Variants in FNBP1 observed in about 807,000 individuals in gnomAD.
The protein encoded by FNBP1 is formin binding protein 1, also known as formin-binding protein 1.
In FNBP1, 26 loss-of-function variants were observed where a neutral mutation model predicts 90.6. The ratio of observed to expected loss-of-function variants is 0.29; its 90% CI spans 0.21 to 0.40. The LOEUF is 0.40. Among genes scored for constraint, FNBP1 ranks in the 10% least tolerant of loss-of-function variants. FNBP1 has a pLI of 1.00. For synonymous variants in FNBP1, 260 were observed against 265.2 expected, an observed-to-expected ratio of 0.98 and a Z score of 0.19; for missense variants, 635 against 768.0, an observed-to-expected ratio of 0.83 and a Z score of 2.05.
intron 1 of FNBP1, among the ~76,000 whole-genome samples, chr9:130,021,819 T>G (rs11793428): frequency 0.02 from 3,078 of 152,314 alleles, 49 homozygotes; most frequent in Middle Eastern, 0.031. Context: ...CCATCCCAAA[T>G]TAGCCCTTTG....
chr9:130,010,554 G>A (rs547735047), intron 1 of FNBP1, among the ~76,000 whole-genome samples: 294 of 152,146 alleles, frequency 1.9e-3, no homozygotes, highest in Middle Eastern at 0.017. Flanking sequence ...CACTGCACCC[G>A]GCTCCCTCCT....
intron 11 of FNBP1, among the ~76,000 whole-genome samples, chr9:129,912,968 C>G (rs2039594891): frequency 6.6e-6 from 1 of 151,712 alleles, no homozygotes; most frequent in Non-Finnish European, 1.5e-5. Flanking sequence ...ACCTGTAATC[C>G]CAGCACTTTG....
rs554982387 is a variant in FNBP1 at position 129,986,659 on chromosome 9, G to A, written c.141-7285C>T. On this transcript the variant is annotated intron_variant, in intron 2 of 16. Coordinates refer to ENST00000446176, the MANE Select transcript of FNBP1 (RefSeq NM_015033.3). Reference sequence around the variant, plus strand: ...GTAAAAATCAGCTGGGCGTGGTGGCGGGCGCCTGTAGTCCCAGCTACTCGG... The same window carrying A: ...GTAAAAATCAGCTGGGCGTGGTGGCAGGCGCCTGTAGTCCCAGCTACTCGG... 5.2e-4 allele frequency among the ~76,000 whole-genome samples: 79 copies of A among 151,916 alleles called. 1 individual carries two copies. Among genetic ancestry groups the A allele is most frequent in the Non-Finnish European group, 9.3e-4 (63 of 67,956 alleles).
At chr9:130,020,864 G>A (rs1693221446) in intron 1 of FNBP1, among the ~76,000 whole-genome samples, 2 of 152,100 alleles carry the variant, frequency 1.3e-5, no homozygotes, top group Non-Finnish European at 2.9e-5. Flanking sequence ...GAACAACGGG[G>A]AATGTAAAAT....
chr9:129,907,723 G>A (rs1011697327), intron 12 of FNBP1, among the ~76,000 whole-genome samples: 1 of 151,816 alleles, frequency 6.6e-6, no homozygotes, highest in African/African-American at 2.4e-5. Flanking sequence ...TGGCAAATGG[G>A]TTTTGATTTT....
At chr9:129,898,731 G>A (rs1467825819) in intron 15 of FNBP1, among the ~76,000 whole-genome samples, 6 of 151,870 alleles carry the variant, frequency 4.0e-5, no homozygotes, top group South Asian at 2.1e-4. Context: ...CTCACGATCC[G>A]CCTGCCTCGG....
At chr9:129,901,112 A>C (rs1588390379) in intron 13 of FNBP1, among the ~76,000 whole-genome samples, 1 of 152,344 alleles carries the variant, frequency 6.6e-6, no homozygotes, top group East Asian at 1.9e-4. Context: ...CAAAGGAATA[A>C]AAATGACGAG....
At chr9:130,050,247 T>C in the FNBP1 span, among the ~76,000 whole-genome samples, 2 of 152,136 alleles carry the variant, frequency 1.3e-5, no homozygotes, top group Admixed American at 1.3e-4. Context: ...GTGAGTGAAA[T>C]GCTAAAACTG....
chr9:129,997,315 G>A (rs2054164544), intron 1 of FNBP1, among the ~76,000 whole-genome samples: 1 of 152,062 alleles, frequency 6.6e-6, no homozygotes, highest in Non-Finnish European at 1.5e-5. Flanking sequence ...GTGACAGAAT[G>A]AGACTATGTC....
chr9:129,900,872 C>T lies in FNBP1; in HGVS notation c.1429-325G>A, dbSNP rs1187488790. On this transcript the variant is annotated intron_variant, in intron 13 of 16. Transcript: ENST00000446176. This position sits in a 1 kb window ranked among gnomAD's most constrained non-coding sequence, Gnocchi z 4.1. ...CACTGGACTATGCTATCCCCTTGGG[C>T]TTTTAAGCAGCAGTGCAGTCTTGGA... 1.3e-5 allele frequency among the ~76,000 whole-genome samples: 2 copies of T among 152,266 alleles called. No individual in the cohort carries two copies. Among genetic ancestry groups the T allele is most frequent in the African/African-American group, 4.8e-5 (2 of 41,470 alleles).
At chr9:129,945,164 TA>T in intron 6 of FNBP1, among the ~76,000 whole-genome samples, 1 of 152,266 alleles carries the variant, frequency 6.6e-6, no homozygotes, top group East Asian at 1.9e-4. Flanking sequence ...AAGAGAATAA[TA>T]AACGTGTCTT....
Position 130,021,868 on chromosome 9 carries a change from T to C in FNBP1, c.24+21084A>G, listed in dbSNP as rs2057863009. On this transcript the variant is annotated intron_variant, in intron 1 of 16. Coordinates refer to ENST00000446176, the MANE Select transcript of FNBP1 (RefSeq NM_015033.3). ...AGCTAAGATGCCCAGTACTAACCTG[T>C]TGTTTTTTCCTGAAACAAGGTCTTG... Among the ~76,000 whole-genome samples the C allele has an allele frequency of 2.0e-5, 3 of 152,336 alleles. No homozygotes were observed. In the South Asian group the frequency reaches 6.2e-4, roughly 32 times the overall value.
intron 2 of FNBP1, among the ~76,000 whole-genome samples, chr9:129,981,104 T>C (rs927700963): frequency 2.0e-5 from 3 of 151,976 alleles, no homozygotes; most frequent in Non-Finnish European, 4.4e-5. Context: ...GTTTGTTTGT[T>C]TGAGACAGAG....
At chr9:130,052,048 T>C in the FNBP1 span, among the ~76,000 whole-genome samples, 2 of 152,342 alleles carry the variant, frequency 1.3e-5, no homozygotes, top group Non-Finnish European at 2.9e-5. Context: ...CTTGAAACTA[T>C]GAAATCACAT....
At position 130,016,761 on chromosome 9, in the gene FNBP1, G is replaced by T. The variant is rs1416991120; in HGVS notation, c.25-21803C>A. ...TCTGTCTCAAAAAAAGAAAAGAAAA[G>T]AAAATATTTGCTTAATGCATGAATG... On this transcript the variant is annotated intron_variant, in intron 1 of 16. Transcript: ENST00000446176. Among the ~76,000 whole-genome samples the T allele has an allele frequency of 3.3e-5, 5 of 152,112 alleles. No individual in the cohort carries two copies. In the East Asian group the frequency reaches 9.6e-4, roughly 29 times the overall value.
At chr9:129,908,417 C>T (rs2038585648) in intron 12 of FNBP1, among the ~76,000 whole-genome samples, 1 of 149,590 alleles carries the variant, frequency 6.7e-6, no homozygotes, top group South Asian at 2.1e-4. Flanking sequence ...GTTGCCTGGG[C>T]TGGTCTTGAA....
chr9:129,926,549 C>T (rs1453207267), intron 8 of FNBP1, among the ~76,000 whole-genome samples: 1 of 151,970 alleles, frequency 6.6e-6, no homozygotes, highest in Non-Finnish European at 1.5e-5. Flanking sequence ...ATGCCCCCAA[C>T]AAGAAAAATG....
chr9:129,955,970 C>A lies in FNBP1; in HGVS notation c.513+1390G>T, dbSNP rs147333121. ...ATTGAATAACATTTTAAATATTTAA[C>A]TTTAGCAGCAAATTAATGTCTTTTG... On this transcript the variant is annotated intron_variant, in intron 6 of 16. Transcript: ENST00000446176. Among the ~76,000 whole-genome samples, 179 of 151,978 alleles carry A rather than the reference C, an allele frequency of 1.2e-3. 2 individuals carry two copies. Among genetic ancestry groups the A allele is most frequent in the African/African-American group, 4.1e-3 (172 of 41,476 alleles).
chr9:129,982,808 G>A (rs1303831180), intron 2 of FNBP1, among the ~76,000 whole-genome samples: 9 of 152,038 alleles, frequency 5.9e-5, no homozygotes, highest in African/African-American at 2.2e-4. Context: ...GACTACAGGT[G>A]CACACCACCA....
Sources: gnomAD v4.1 joint callset for allele counts (sites outside exome capture counted in the v4.1 genomes callset) on GRCh38, gnomAD v4.1.1 for gene constraint, Gnocchi (gnomAD v3.1) non-coding constraint, MANE v1.5 for transcripts, NCBI Gene and HGNC (gene_info 2026-07-23, HGNC 2026-07-21) for gene names.